DOK6: variants seen among roughly 807,000 people sequenced by gnomAD.
DOK6 encodes docking protein 6.
A neutral mutation model predicts 44.0 loss-of-function variants in DOK6; 22 were observed. The ratio of observed to expected loss-of-function variants is 0.50; its 90% CI spans 0.36 to 0.71. The LOEUF (loss-of-function observed/expected upper bound fraction) is 0.71. DOK6 is among the 30% of genes least tolerant of loss of function. DOK6 has a pLI of 0.00. For missense variants in DOK6, 340 were observed against 416.4 expected (o/e 0.82, Z 1.60); for synonymous variants, 166 against 145.5 (o/e 1.14, Z -1.01).
At chr18:69,829,058 G>A (rs943173844) in intron 7 of DOK6, among the ~76,000 whole-genome samples, 1 of 150,428 alleles carries the variant, frequency 6.6e-6, no homozygotes, top group African/African-American at 2.4e-5. Context: ...GCAAAAAGGA[G>A]AGTGAAAATA....
intron 3 of DOK6, among the ~76,000 whole-genome samples, chr18:69,619,343 AT>A (rs1984386479): frequency 6.6e-6 from 1 of 152,218 alleles, no homozygotes; most frequent in South Asian, 2.1e-4. Flanking sequence ...CCAGACTGCC[AT>A]TTCCAAGATA....
intron 3 of DOK6, chr18:69,660,642 T>A (rs1985497538): frequency 6.6e-6 from 1 of 152,012 alleles, no homozygotes; most frequent in Non-Finnish European, 1.5e-5. Context: ...TTGCTATTAC[T>A]TTTGAAGACA....
chr18:69,664,496 G>A lies in DOK6; in HGVS notation c.290-13238G>A, dbSNP rs1599250841. ...GTATTTCAACATCAGTGGTCCTTGT[G>A]CTTTCTTCTTTTATGGAGGTAAGAC... On this transcript the variant is annotated intron_variant, in intron 3 of 7. Transcript: ENST00000382713. Among the ~76,000 whole-genome samples, 3 of 152,180 alleles carry A rather than the reference G, an allele frequency of 2.0e-5. No individual in the cohort carries two copies. In the East Asian group the frequency reaches 5.8e-4, roughly 29 times the overall value.
chr18:69,748,384 T>G (rs1167237946), intron 6 of DOK6, among the ~76,000 whole-genome samples: 3 of 150,684 alleles, frequency 2.0e-5, no homozygotes. Context: ...CTGGATCAAG[T>G]GGACCTGATA....
At chr18:69,445,214 T>C (rs1218875978) in intron 1 of DOK6, among the ~76,000 whole-genome samples, 2 of 152,188 alleles carry the variant, frequency 1.3e-5, no homozygotes, top group Non-Finnish European at 2.9e-5. Context: ...TTTAATAGAT[T>C]TGTGTGTGGG....
chr18:69,826,838 T>G (rs1981755359), intron 7 of DOK6, among the ~76,000 whole-genome samples: 1 of 152,172 alleles, frequency 6.6e-6, no homozygotes, highest in Non-Finnish European at 1.5e-5. Flanking sequence ...GAATAAACTT[T>G]CTCAATTCCC....
At position 69,847,142 on chromosome 18, in the gene DOK6, G is replaced by A. The variant is rs1001311992; in HGVS notation, c.*5759G>A. 1 of 151,884 alleles carries A rather than the reference G, an allele frequency of 6.6e-6. No homozygotes were observed. Among genetic ancestry groups the A allele is most frequent in the African/African-American group, 2.4e-5 (1 of 41,340 alleles). 9.4% of individuals were successfully genotyped at this position (151,884 alleles called of 1,614,324 possible). ...TGTTTAACTAGTAAGTTTTTTTTAAGTTATCTTCCATGCCTGCTTCCCTAG... is the reference window on the plus strand; with the variant it reads ...TGTTTAACTAGTAAGTTTTTTTTAAATTATCTTCCATGCCTGCTTCCCTAG... On this transcript the variant is annotated 3_prime_UTR_variant, in exon 8 of 8. Coordinates refer to ENST00000382713, the MANE Select transcript of DOK6 (RefSeq NM_152721.6).
intron 6 of DOK6, among the ~76,000 whole-genome samples, chr18:69,750,604 G>T (rs1181097950): frequency 1.3e-5 from 2 of 152,100 alleles, no homozygotes; most frequent in East Asian, 3.8e-4. Context: ...GGAGAAAAGG[G>T]GACCAGGACA....
chr18:69,694,421 G>A (rs1986347457), intron 4 of DOK6, among the ~76,000 whole-genome samples: 1 of 150,736 alleles, frequency 6.6e-6, no homozygotes, highest in Non-Finnish European at 1.5e-5. Context: ...TTTGTTGGAT[G>A]CAATATTTAT....
rs573562008 is a variant in DOK6, at chr18:69,799,196, ACTT to A, written c.856+41328_856+41330del. ...ATGGAGTCGTGAGCTAAAAGGAAAT[ACTT>A]CTTCATTTGACATTTTAAATGTTTT... On this transcript the variant is annotated intron_variant, in intron 7 of 7. Coordinates refer to ENST00000382713, the MANE Select transcript of DOK6 (RefSeq NM_152721.6). 2.7e-3 allele frequency among the ~76,000 whole-genome samples: 417 copies of A among 152,186 alleles called. 2 individuals carry two copies. The highest frequency in any genetic ancestry group is 4.6e-3 in the South Asian group (22 of 4,826).
intron 1 of DOK6, among the ~76,000 whole-genome samples, chr18:69,506,885 A>C (rs1043034726): frequency 2.0e-5 from 3 of 151,766 alleles, no homozygotes; most frequent in African/African-American, 7.3e-5. Context: ...GCACACACAC[A>C]CACACATATG....
intron 1 of DOK6, among the ~76,000 whole-genome samples, chr18:69,430,161 C>T (rs946332506): frequency 3.3e-5 from 5 of 152,118 alleles, no homozygotes; most frequent in Non-Finnish European, 7.4e-5. Flanking sequence ...TGACTGATTA[C>T]GAAGGAGAAG....
At chr18:69,518,562 G>A (rs1339220851) in intron 1 of DOK6, among the ~76,000 whole-genome samples, 2 of 148,386 alleles carry the variant, frequency 1.3e-5, no homozygotes, top group Non-Finnish European at 3.0e-5. Context: ...GGTTATCACA[G>A]TTGAGGTCAA....
chr18:69,713,578 T>G (rs1268336108), intron 5 of DOK6, among the ~76,000 whole-genome samples: 1 of 152,168 alleles, frequency 6.6e-6, no homozygotes, highest in Non-Finnish European at 1.5e-5. Flanking sequence ...CCTGTTCACA[T>G]GTGATCATAT....
chr18:69,644,041 A>G (rs192094528), intron 3 of DOK6, among the ~76,000 whole-genome samples: 49 of 152,252 alleles, frequency 3.2e-4, no homozygotes, highest in African/African-American at 1.0e-3. Context: ...TTTGCCATCC[A>G]TATATCCTCT....
chr18:69,690,035 G>A (rs1388542250), intron 4 of DOK6, among the ~76,000 whole-genome samples: 2 of 151,936 alleles, frequency 1.3e-5, no homozygotes, highest in Non-Finnish European at 2.9e-5. Flanking sequence ...AATCTCTAAG[G>A]TTTAACAGTT....
Position 69,841,649 on chromosome 18 carries a change from T to G in DOK6, c.*266T>G, listed in dbSNP as rs1438389639. On this transcript the variant is annotated 3_prime_UTR_variant, in exon 8 of 8. Coordinates refer to ENST00000382713, the MANE Select transcript of DOK6 (RefSeq NM_152721.6). ...TGAACAGTTATTTAAATAAACAAAA[T>G]TCTTTGGGTCTGACAGTAACAGAAA... The G allele has an allele frequency of 5.0e-6, 2 of 398,406 alleles. No homozygotes were observed. Among genetic ancestry groups the G allele is most frequent in the East Asian group, 9.2e-5 (2 of 21,820 alleles). The allele number at this position is 398,406 out of a possible 1,614,324, so 24.7% of individuals were successfully genotyped here.
At chr18:69,457,617 G>A (rs1979666146) in intron 1 of DOK6, among the ~76,000 whole-genome samples, 1 of 152,006 alleles carries the variant, frequency 6.6e-6, no homozygotes, top group Non-Finnish European at 1.5e-5. Context: ...TGCCTATTTG[G>A]GCTCTCTTTT....
chr18:69,449,086 C>G (rs890094490), intron 1 of DOK6, among the ~76,000 whole-genome samples: 1 of 152,292 alleles, frequency 6.6e-6, no homozygotes, highest in Non-Finnish European at 1.5e-5. Flanking sequence ...ATCTTTCGCT[C>G]TCTTTAGTAA....
Sources: gnomAD v4.1 joint callset for allele counts (sites outside exome capture counted in the v4.1 genomes callset) on GRCh38, gnomAD v4.1.1 for gene constraint, MANE v1.5 for transcripts, NCBI Gene and HGNC (gene_info 2026-07-23, HGNC 2026-07-21) for gene names.